EYA1: variants seen among roughly 807,000 people sequenced by gnomAD.
The protein encoded by EYA1 is EYA transcriptional coactivator and phosphatase 1.
Under a neutral mutation model 82.0 loss-of-function variants are expected in EYA1, and 16 were observed. That is an observed-to-expected ratio of 0.20 (90% CI 0.13 to 0.30). EYA1 has a LOEUF of 0.30. Ranked by LOEUF, EYA1 falls within the 10% of genes least tolerant of loss-of-function variation. EYA1 has a pLI of 1.00. For synonymous variants in EYA1, 261 were observed against 264.4 expected, an observed-to-expected ratio of 0.99 and a Z score of 0.12; for missense variants, 633 against 730.7, an observed-to-expected ratio of 0.87 and a Z score of 1.54.
intron 2 of EYA1, among the ~76,000 whole-genome samples, chr8:71,526,921 C>G (rs563132452): frequency 6.6e-6 from 1 of 152,312 alleles, no homozygotes; most frequent in East Asian, 1.9e-4. Context: ...TCACCACAAA[C>G]ACATCCTGGG....
At chr8:71,517,707 C>A (rs1586870852) in intron 2 of EYA1, among the ~76,000 whole-genome samples, 1 of 141,652 alleles carries the variant, frequency 7.1e-6, no homozygotes, top group Admixed American at 7.0e-5. Context: ...GGAAAACATA[C>A]TATATATATA....
chr8:71,514,292 A>G (rs1812806819), intron 2 of EYA1, among the ~76,000 whole-genome samples: 2 of 152,118 alleles, frequency 1.3e-5, no homozygotes, highest in Non-Finnish European at 2.9e-5. Context: ...CCTGTAGTTC[A>G]GGAATTCTTT....
chr8:71,527,554 G>A (rs1378322025), intron 2 of EYA1, among the ~76,000 whole-genome samples: 7 of 152,286 alleles, frequency 4.6e-5, no homozygotes, highest in South Asian at 4.1e-4. Context: ...CCCACCTTGC[G>A]TGCAGGGGCA....
rs140019830 is a variant in EYA1, at chr8:71,312,494, G to A, written c.556+5058C>T. ...CACAGTCTCACTCCATTGCCCAGGCGGGAGTGCAGTGGCACGATCTTGTCT... is the reference window on the plus strand; with the variant it reads ...CACAGTCTCACTCCATTGCCCAGGCAGGAGTGCAGTGGCACGATCTTGTCT... On this transcript the variant is annotated intron_variant, in intron 7 of 17. Transcript: ENST00000340726. Among the ~76,000 whole-genome samples, 503 of 152,182 alleles carry A rather than the reference G, an allele frequency of 3.3e-3. 3 individuals are homozygous for A. The highest frequency in any genetic ancestry group is 0.012 in the African/African-American group (486 of 41,518).
At chr8:71,370,477 T>C (rs1828015699) in intron 2 of EYA1, among the ~76,000 whole-genome samples, 1 of 151,184 alleles carries the variant, frequency 6.6e-6, no homozygotes, top group South Asian at 2.1e-4. Context: ...TGTAAATAAA[T>C]GAAAAGGTGG....
chr8:71,302,925 A>G (rs1359994266), intron 7 of EYA1, among the ~76,000 whole-genome samples: 1 of 141,850 alleles, frequency 7.0e-6, no homozygotes, highest in Non-Finnish European at 1.6e-5. Context: ...TAATATTCAA[A>G]CTGCTTACTA....
At chr8:71,430,716 TGCTGTAAAGG>T (rs944474558) in intron 2 of EYA1, among the ~76,000 whole-genome samples, 14 of 152,206 alleles carry the variant, frequency 9.2e-5, no homozygotes, top group African/African-American at 3.1e-4. Context: ...TGGGGGTGGG[TGCTGTAAAGG>T]TTCCCCAAGT....
intron 12 of EYA1, among the ~76,000 whole-genome samples, chr8:71,241,361 C>T (rs1226119596): frequency 1.3e-5 from 2 of 152,100 alleles, no homozygotes; most frequent in Admixed American, 6.6e-5. Flanking sequence ...TTCTAAAGTA[C>T]TTCAAAAATT....
At position 71,271,875 on chromosome 8, in the gene EYA1, T is replaced by C; in HGVS notation, c.849A>G (p.Pro283=). Residue 283 remains proline (P), a synonymous_variant, in exon 10 of 18, where the codon CCA becomes CCG. Coordinates refer to ENST00000340726, the MANE Select transcript of EYA1 (RefSeq NM_000503.6). The part of the protein sequence containing the change: ...PTAEYSTIHS[P]STPIKDSDSD... ...AATCTGAATCTTTAATGGGTGTTGA[T>C]GGGCTGTGGATTGTGCTGTACTCTG... 1 of 1,614,218 alleles carries C rather than the reference T, an allele frequency of 6.2e-7. No individual in the cohort carries two copies. Among genetic ancestry groups the C allele is most frequent in the African/African-American group, 1.3e-5 (1 of 75,048 alleles).
chr8:71,406,424 G>A (rs543361020), intron 2 of EYA1, among the ~76,000 whole-genome samples: 32 of 152,306 alleles, frequency 2.1e-4, no homozygotes, highest in African/African-American at 7.0e-4. Context: ...CGTGAGCGAC[G>A]CAGAAGACAG....
At chr8:71,270,665 A>G (rs1037359186) in intron 10 of EYA1, among the ~76,000 whole-genome samples, 15 of 152,352 alleles carry the variant, frequency 9.8e-5, no homozygotes, top group African/African-American at 3.6e-4. Context: ...ACTTAGTTGC[A>G]GTGGATTCAA....
intron 7 of EYA1, among the ~76,000 whole-genome samples, chr8:71,316,962 T>C (rs775099837): frequency 3.3e-5 from 5 of 152,234 alleles, no homozygotes; most frequent in Admixed American, 6.5e-5. Flanking sequence ...ACTTACATTA[T>C]GTTTTGTCTA....
chr8:71,332,853 C>G (rs909062724), intron 4 of EYA1, among the ~76,000 whole-genome samples: 1 of 152,198 alleles, frequency 6.6e-6, no homozygotes, highest in Admixed American at 6.5e-5. Context: ...GATCCACGCC[C>G]TCTGTGCTGC....
chr8:71,252,500 A>T (rs1813872390), intron 11 of EYA1, among the ~76,000 whole-genome samples: 1 of 152,054 alleles, frequency 6.6e-6, no homozygotes, highest in South Asian at 2.1e-4. Context: ...CATACCAATT[A>T]TTTTTGAGGT....
At chr8:71,264,144 C>G (rs1232384952) in intron 11 of EYA1, among the ~76,000 whole-genome samples, 1 of 152,196 alleles carries the variant, frequency 6.6e-6, no homozygotes, top group Non-Finnish European at 1.5e-5. Context: ...GTAACCAGAT[C>G]TCCTGCAACC....
At chr8:71,238,498 C>G (rs1178034568) in intron 12 of EYA1, among the ~76,000 whole-genome samples, 1 of 152,056 alleles carries the variant, frequency 6.6e-6, no homozygotes, top group African/African-American at 2.4e-5. Context: ...TTATATCTCT[C>G]AGTAAGATGT....
chr8:71,315,352 A>T (rs542181341), intron 7 of EYA1, among the ~76,000 whole-genome samples: 1 of 152,318 alleles, frequency 6.6e-6, no homozygotes, highest in African/African-American at 2.4e-5. Context: ...GTGGACGGGT[A>T]ATGGCAAGGC....
intron 2 of EYA1, among the ~76,000 whole-genome samples, chr8:71,424,758 A>C (rs1252915353): frequency 6.6e-6 from 1 of 152,074 alleles, no homozygotes; most frequent in East Asian, 1.9e-4. Flanking sequence ...GTGACATTCC[A>C]GGTCTCTGTT....
In EYA1 at chr8:71,244,593, T is replaced by G; in HGVS notation, c.1140+10A>C. ...ACATGCAAAAATATGTATTAAAAAT[T>G]AGAACTTACTTCTAAGTCATTAAAA... On this transcript the variant is annotated intron_variant, in intron 12 of 17. Coordinates refer to ENST00000340726, the MANE Select transcript of EYA1 (RefSeq NM_000503.6). 1 of 1,438,172 alleles carries G rather than the reference T, an allele frequency of 7.0e-7. No individual in the cohort carries two copies. Among genetic ancestry groups the G allele is most frequent in the Non-Finnish European group, 9.7e-7 (1 of 1,027,034 alleles). 89.1% of individuals were successfully genotyped at this position (1,438,172 alleles called of 1,614,324 possible). A position where few individuals can be genotyped will look rare whatever the true frequency, so the allele number is the denominator to read the frequency against.
Sources: gnomAD v4.1 joint callset for allele counts (sites outside exome capture counted in the v4.1 genomes callset) on GRCh38, gnomAD v4.1.1 for gene constraint, MANE v1.5 for transcripts, NCBI Gene and HGNC (gene_info 2026-07-23, HGNC 2026-07-21) for gene names.